The following OPCML variants were observed in gnomAD, a reference collection of about 807,000 sequenced individuals.
The protein encoded by OPCML is opioid-binding protein/cell adhesion molecule.
In OPCML, 13 loss-of-function variants were observed where a neutral mutation model predicts 37.8. The ratio of observed to expected loss-of-function variants is 0.34; its 90% CI spans 0.22 to 0.55. OPCML has a LOEUF of 0.55. Among genes scored for constraint, OPCML ranks in the 20% least tolerant of loss-of-function variants. OPCML has a pLI of 0.91. For missense variants in OPCML, 341 were observed against 435.6 expected, an observed-to-expected ratio of 0.78 and a Z score of 1.93; for synonymous variants, 176 against 168.8, an observed-to-expected ratio of 1.04 and a Z score of -0.33.
chr11:133,418,574 TG>T (rs1463442580), intron 1 of OPCML: 1 of 530,652 alleles, frequency 1.9e-6, no homozygotes, highest in East Asian at 1.5e-4. Context: ...ACCTCCAAAC[TG>T]TCCTTGGTCA....
intron 1 of OPCML, among the ~76,000 whole-genome samples, chr11:133,341,354 G>A (rs1054999651): frequency 6.6e-6 from 1 of 152,078 alleles, no homozygotes; most frequent in Non-Finnish European, 1.5e-5. Context: ...GAGGTGCCTC[G>A]ACCAGATAGA....
intron 3 of OPCML, among the ~76,000 whole-genome samples, chr11:132,628,606 G>A (rs1267806865): frequency 6.6e-6 from 1 of 151,992 alleles, no homozygotes; most frequent in Non-Finnish European, 1.5e-5. Context: ...TCCCACTCTG[G>A]GCCACTATCG....
chr11:132,779,120 A>C (rs1419263882), intron 2 of OPCML, among the ~76,000 whole-genome samples: 1 of 151,902 alleles, frequency 6.6e-6, no homozygotes, highest in Non-Finnish European at 1.5e-5. Flanking sequence ...GGCACCTGCC[A>C]CCAGCCCCAG....
Position 132,530,566 on chromosome 11 carries a change from T to C in OPCML, c.380-1380A>G, listed in dbSNP as rs80121363. Among the ~76,000 whole-genome samples, 1,090 of 152,246 alleles carry C rather than the reference T, an allele frequency of 7.2e-3. 14 individuals carry two copies. Among genetic ancestry groups the C allele is most frequent in the African/African-American group, 0.024 (1,010 of 41,558 alleles). Reference sequence around the variant, plus strand: ...TCACCCCAGAATGGCCTACCATGTTTGACAAACAAACCCTTCTGCATGACC... The same window carrying C: ...TCACCCCAGAATGGCCTACCATGTTCGACAAACAAACCCTTCTGCATGACC... On this transcript the variant is annotated intron_variant, in intron 3 of 7. Transcript: ENST00000524381.
intron 1 of OPCML, among the ~76,000 whole-genome samples, chr11:133,529,839 G>T (rs1044554663): frequency 1.3e-4 from 20 of 152,200 alleles, no homozygotes; most frequent in African/African-American, 3.9e-4. Context: ...GAAAGGAGAA[G>T]TCGCAAGTAA....
chr11:132,441,927 A>G (rs1206200388), intron 4 of OPCML, among the ~76,000 whole-genome samples: 3 of 152,176 alleles, frequency 2.0e-5, no homozygotes, highest in African/African-American at 7.2e-5. Context: ...CACAGAATAC[A>G]AAGAGCATGA....
At chr11:133,325,029 T>C (rs1393559823) in intron 1 of OPCML, among the ~76,000 whole-genome samples, 1 of 152,200 alleles carries the variant, frequency 6.6e-6, no homozygotes, top group African/African-American at 2.4e-5. Flanking sequence ...CCACGTTCTA[T>C]ATTCTGGGTT....
chr11:133,319,424 G>C (rs148632484), intron 1 of OPCML, among the ~76,000 whole-genome samples: 1 of 152,076 alleles, frequency 6.6e-6, no homozygotes, highest in Non-Finnish European at 1.5e-5. Flanking sequence ...CCGAGGTCCC[G>C]ACAGGCTCAA....
At chr11:132,864,359 C>T (rs1942438692) in intron 2 of OPCML, among the ~76,000 whole-genome samples, 1 of 152,126 alleles carries the variant, frequency 6.6e-6, no homozygotes, top group African/African-American at 2.4e-5. Context: ...AGGGAAAAAC[C>T]CTACAGAGTC....
chr11:132,576,769 C>G, intron 3 of OPCML, among the ~76,000 whole-genome samples: 1 of 152,094 alleles, frequency 6.6e-6, no homozygotes, highest in Non-Finnish European at 1.5e-5. Flanking sequence ...CGACTCCTAC[C>G]AATCAGCCTA....
At chr11:133,475,642 CTCTT>C (rs531293306) in intron 1 of OPCML, among the ~76,000 whole-genome samples, 222 of 152,318 alleles carry the variant, frequency 1.5e-3, no homozygotes, top group Middle Eastern at 6.8e-3. Context: ...AGCTCTCTCT[CTCTT>C]TTTCTTAGGT....
intron 4 of OPCML, among the ~76,000 whole-genome samples, chr11:132,528,017 C>G (rs963626229): frequency 2.0e-5 from 3 of 152,164 alleles, no homozygotes; most frequent in Non-Finnish European, 4.4e-5. Flanking sequence ...CTCCCTCAGA[C>G]TCTTGAAAGG....
At chr11:132,560,246 T>C (rs1421533175) in intron 3 of OPCML, among the ~76,000 whole-genome samples, 1 of 152,226 alleles carries the variant, frequency 6.6e-6, no homozygotes, top group Non-Finnish European at 1.5e-5. Context: ...TCTTTTTCCA[T>C]TTGTCTATAA....
chr11:133,072,003 C>T (rs752820136), intron 1 of OPCML, among the ~76,000 whole-genome samples: 2 of 152,190 alleles, frequency 1.3e-5, no homozygotes, highest in African/African-American at 2.4e-5. Context: ...AGGACGGCCC[C>T]GTACCACCAA....
chr11:133,169,180 C>T (rs901735080), intron 1 of OPCML, among the ~76,000 whole-genome samples: 1 of 152,140 alleles, frequency 6.6e-6, no homozygotes, highest in African/African-American at 2.4e-5. Flanking sequence ...GTTATTCCAT[C>T]TTCACTGATA....
At chr11:132,532,966 G>A (rs542592906) in intron 3 of OPCML, among the ~76,000 whole-genome samples, 27 of 152,254 alleles carry the variant, frequency 1.8e-4, no homozygotes, top group African/African-American at 4.3e-4. Flanking sequence ...GTGCTTCTCC[G>A]TATTTTGGCA....
intron 1 of OPCML, among the ~76,000 whole-genome samples, chr11:132,982,926 A>T (rs1357735314): frequency 2.0e-5 from 3 of 147,890 alleles, no homozygotes; most frequent in Non-Finnish European, 4.4e-5. Context: ...CTTGTAAATC[A>T]CAGAGTTGAT....
intron 1 of OPCML, among the ~76,000 whole-genome samples, chr11:133,304,512 G>A (rs1321265520): frequency 2.0e-5 from 3 of 152,178 alleles, no homozygotes; most frequent in Non-Finnish European, 4.4e-5. Context: ...TCCACAACGT[G>A]TGCTTGGATA....
At chr11:132,545,557 T>C (rs916430436) in intron 3 of OPCML, among the ~76,000 whole-genome samples, 1 of 152,228 alleles carries the variant, frequency 6.6e-6, no homozygotes, top group Non-Finnish European at 1.5e-5. Flanking sequence ...TTCAAAAATA[T>C]ATTCAGAAAA....
Sources: gnomAD v4.1 joint callset for allele counts (sites outside exome capture counted in the v4.1 genomes callset) on GRCh38, gnomAD v4.1.1 for gene constraint, MANE v1.5 for transcripts, NCBI Gene and HGNC (gene_info 2026-07-23, HGNC 2026-07-21) for gene names.